Variants in CDK11B observed in about 807,000 individuals in gnomAD.
CDK11B encodes the protein cyclin dependent kinase 11B.
In CDK11B, 37 loss-of-function variants were observed where a neutral mutation model predicts 84.0. That is an observed-to-expected ratio of 0.44 (90% confidence interval 0.34 to 0.58). The LOEUF (loss-of-function observed/expected upper bound fraction) is 0.58, where lower values mean the gene tolerates loss of function less well. CDK11B is among the 20% of genes least tolerant of loss of function. The pLI is 0.02. For missense variants in CDK11B, 427 were observed against 834.0 expected, an observed-to-expected ratio of 0.51 and a Z score of 6.01; for synonymous variants, 269 against 309.8, an observed-to-expected ratio of 0.87 and a Z score of 1.38.
intron 5 of CDK11B, among the ~76,000 whole-genome samples, chr1:1,648,407 TTGACCCC>T (rs1429868386): frequency 6.6e-6 from 1 of 152,190 alleles, no homozygotes; most frequent in Admixed American, 6.5e-5. Context: ...GTCTCGGACC[TTGACCCC>T]TGGGCCTCAG....
intron 17 of CDK11B, 78 bp downstream of exon 17, chr1:1,636,604 G>A (rs2100655037): frequency 2.5e-6 from 4 of 1,596,336 alleles, no homozygotes; most frequent in Non-Finnish European, 1.7e-6. Flanking sequence ...TCTCAACCCA[G>A]CACCTGTGCG....
At position 1,635,485 on chromosome 1, in the gene CDK11B, C is replaced by T. The variant is rs1569977161; in HGVS notation, c.*279G>A. ...ACGGCCCAGCCAGCCCCGTGCGTGT[C>T]GAGAGTGGGAGAGGGTGTGTGGAGG... On this transcript the variant is annotated 3_prime_UTR_variant, in exon 20 of 20. Coordinates refer to ENST00000341832, the MANE Select transcript of CDK11B (RefSeq NM_033486.3). The T allele has an allele frequency of 9.1e-5, 32 of 353,004 alleles. No individual in the cohort carries two copies. Among genetic ancestry groups the T allele is most frequent in the South Asian group, 8.6e-4 (31 of 36,236 alleles). 21.9% of individuals were successfully genotyped at this position (353,004 alleles called of 1,614,324 possible).
At chr1:1,649,276 T>C (rs1410495406) in intron 5 of CDK11B, among the ~76,000 whole-genome samples, 3 of 152,056 alleles carry the variant, frequency 2.0e-5, no homozygotes, top group East Asian at 3.9e-4. Context: ...ATTTTTTGTA[T>C]TTTTTTAGTA....
chr1:1,649,731 T>A, intron 4 of CDK11B, 94 bp from the exon 5 acceptor site: 2 of 1,294,558 alleles, frequency 1.5e-6, no homozygotes, highest in Non-Finnish European at 2.2e-6. Context: ...TCCTAGCACT[T>A]TGGGAGGCTG....
chr1:1,636,769 T>A lies in CDK11B; in HGVS notation c.1830A>T (p.Ser610=). The A allele has an allele frequency of 6.2e-7, 1 of 1,613,878 alleles. No homozygotes were observed. The highest frequency in any genetic ancestry group is 8.5e-7 in the Non-Finnish European group (1 of 1,179,852). The change falls in exon 17 of 20, where the codon TCA becomes TCT. Residue 610 remains serine (S), a synonymous_variant. Coordinates refer to ENST00000341832, the MANE Select transcript of CDK11B (RefSeq NM_033486.3). ...KEYSTAVDMW[S]VGCIFGELLT... Reference sequence around the variant, plus strand: ...GCAGCTCCCCGAAGATGCAACCCACTGACCACATGTCCACGGCCGTGGAGT... The same window carrying A: ...GCAGCTCCCCGAAGATGCAACCCACAGACCACATGTCCACGGCCGTGGAGT...
At position 1,649,586 on chromosome 1, in the gene CDK11B, C is replaced by T. The variant is rs1641620908; in HGVS notation, c.407G>A (p.Arg136Gln). 5 of 1,607,086 alleles carry T rather than the reference C, an allele frequency of 3.1e-6. No homozygotes were observed. Among genetic ancestry groups the T allele is most frequent in the East Asian group, 2.2e-5 (1 of 44,868 alleles). Reference sequence around the variant, plus strand: ...AGCTTTATCCTGTTCTTCTCGATGCCGTTTCCGACGTTCGTGCTCTCTTTC... The same window carrying T: ...AGCTTTATCCTGTTCTTCTCGATGCTGTTTCCGACGTTCGTGCTCTCTTTC... Reference protein sequence around the residue: ...EKEREHERRKRHREEQDKARR... With the variant: ...EKEREHERRKQHREEQDKARR... Residue 136 changes from arginine (R) to glutamine (Q), a missense_variant, in exon 5 of 20, where the codon CGG (arginine) becomes CAG (glutamine). This residue lies in a region of CDK11B where 71 missense variants were observed against 66.2 expected (regional missense o/e 1.07). Transcript: ENST00000341832.
chr1:1,637,574 G>A (rs954579028), intron 13 of CDK11B, 61 bp from the exon 14 acceptor site: 48 of 1,606,832 alleles, frequency 3.0e-5, no homozygotes, highest in African/African-American at 1.7e-4. Context: ...CCCTGCACCC[G>A]GGTGCAGCTG....
intron 4 of CDK11B, among the ~76,000 whole-genome samples, chr1:1,651,685 G>C (rs1315802968): frequency 6.6e-6 from 1 of 151,110 alleles, no homozygotes; most frequent in Non-Finnish European, 1.5e-5. Flanking sequence ...TTCAGCTGGA[G>C]TTTGCTCTCT....
intron 4 of CDK11B, among the ~76,000 whole-genome samples, 166 bp from the exon 5 acceptor site, chr1:1,649,803 C>T (rs1424256781): frequency 1.3e-5 from 2 of 151,674 alleles, no homozygotes; most frequent in Non-Finnish European, 2.9e-5. Context: ...GGTGAAACCC[C>T]GTCTCTACTA....
intron 3 of CDK11B, among the ~76,000 whole-genome samples, 156 bp from the exon 4 acceptor site, chr1:1,652,722 G>A (rs1314962224): frequency 2.6e-5 from 4 of 151,944 alleles, no homozygotes; most frequent in Non-Finnish European, 5.9e-5. Context: ...CCAACTTTAG[G>A]CATCTTTTTT....
chr1:1,651,377 T>G (rs1641975741), intron 4 of CDK11B, among the ~76,000 whole-genome samples: 1 of 152,104 alleles, frequency 6.6e-6, no homozygotes, highest in Non-Finnish European at 1.5e-5. Flanking sequence ...TCTCTGGTTT[T>G]CGGTCTGTGA....
chr1:1,655,192 GAGTC>G (rs113432402), intron 3 of CDK11B, among the ~76,000 whole-genome samples, 173 bp downstream of exon 3: 7,262 of 152,196 alleles, frequency 0.048, 498 homozygotes, highest in African/African-American at 0.15. Flanking sequence ...CAACACTTGA[GAGTC>G]AGTCACAACT....
intron 9 of CDK11B, among the ~76,000 whole-genome samples, 190 bp downstream of exon 9, chr1:1,641,472 G>C (rs1249698487): frequency 5.5e-5 from 8 of 145,724 alleles, no homozygotes; most frequent in Non-Finnish European, 1.2e-4. Flanking sequence ...TCATGCCACT[G>C]CACTCCAGCC....
intron 5 of CDK11B, among the ~76,000 whole-genome samples, chr1:1,648,099 T>C (rs546608650): frequency 1.4e-4 from 21 of 152,400 alleles, no homozygotes; most frequent in Non-Finnish European, 2.8e-4. Flanking sequence ...CATGCGGTCC[T>C]CTGGCCTTAG....
At chr1:1,646,000 A>G in intron 5 of CDK11B, 1 of 481,304 alleles carries the variant, frequency 2.1e-6, no homozygotes, top group Non-Finnish European at 4.2e-6. Context: ...CACCACACCC[A>G]GGTGATTTTT....
At position 1,636,662 on chromosome 1, in the gene CDK11B, T is replaced by C. The variant is rs773442879; in HGVS notation, c.1917+20A>G. On this transcript the variant is annotated intron_variant, in intron 17 of 19. Coordinates refer to ENST00000341832, the MANE Select transcript of CDK11B (RefSeq NM_033486.3). ...CTCCTCCACAACCCCACAGCGCACC[T>C]GCAGCAGGGCCAGACCCACCTTGAA... 4 of 1,613,764 alleles carry C rather than the reference T, an allele frequency of 2.5e-6. No homozygotes were observed. The highest frequency in any genetic ancestry group is 3.4e-6 in the Non-Finnish European group (4 of 1,179,712).
In CDK11B at chr1:1,653,863, C is replaced by CACACAAA. The variant is rs761317190; in HGVS notation, c.228-1298_228-1297insTTTGTGT. Among the ~76,000 whole-genome samples, 5 of 132,858 alleles carry CACACAAA rather than the reference C, an allele frequency of 3.8e-5. 1 individual carries two copies. Among genetic ancestry groups the CACACAAA allele is most frequent in the African/African-American group, 1.9e-4 (5 of 26,578 alleles). The allele number at this position is 132,858 out of a possible 152,430, so 87.2% of individuals were successfully genotyped here. On this transcript the variant is annotated intron_variant, in intron 3 of 19. Coordinates refer to ENST00000341832, the MANE Select transcript of CDK11B (RefSeq NM_033486.3). Reference sequence around the variant, plus strand: ...ACACACACACACACACACACACACACCCGAGCGTGGTGGCGCATGCCTGTA... The same window carrying CACACAAA: ...ACACACACACACACACACACACACACACACAAACCGAGCGTGGTGGCGCATGCCTGTA...
At chr1:1,636,836 C>A (rs778284033) in intron 16 of CDK11B, 38 bp from the exon 17 acceptor site, 6 of 1,613,316 alleles carry the variant, frequency 3.7e-6, no homozygotes, top group Non-Finnish European at 5.1e-6. Flanking sequence ...GGGCCAGTGC[C>A]CGCGAAGCTG....
In CDK11B at chr1:1,658,492, T is replaced by C. The variant is rs1426215613; in HGVS notation, c.-14+422A>G. Among the ~76,000 whole-genome samples, 8 of 147,736 alleles carry C rather than the reference T, an allele frequency of 5.4e-5. No homozygotes were observed. In the South Asian group the frequency reaches 8.8e-4, roughly 16 times the overall value. ...GATCGCGGATTAAAGATCATCCGTT[T>C]AAAGGCTCTTAACTCAGGACCTGCC... On this transcript the variant is annotated intron_variant, in intron 1 of 19. Coordinates refer to ENST00000341832, the MANE Select transcript of CDK11B (RefSeq NM_033486.3).
Sources: gnomAD v4.1 joint callset for allele counts (sites outside exome capture counted in the v4.1 genomes callset) on GRCh38, gnomAD v4.1.1 for gene constraint, gnomAD v4.1.1 regional missense constraint, MANE v1.5 for transcripts, NCBI Gene and HGNC (gene_info 2026-07-23, HGNC 2026-07-21) for gene names.